NR2C2: variants seen among roughly 807,000 people sequenced by gnomAD.
NR2C2 encodes the protein nuclear receptor subfamily 2 group C member 2.
A neutral mutation model predicts 62.9 loss-of-function variants in NR2C2; 6 were observed. That is an observed-to-expected ratio of 0.10 (90% CI 0.05 to 0.19). NR2C2 has a LOEUF of 0.19. Among genes scored for constraint, NR2C2 ranks in the 10% least tolerant of loss-of-function variants. The pLI, the probability that NR2C2 is intolerant of heterozygous loss-of-function variation, is 1.00. For synonymous variants in NR2C2, 272 were observed against 273.8 expected (o/e 0.99, Z 0.07); for missense variants, 479 against 762.7 (o/e 0.63, Z 4.38).
Position 14,947,836 on chromosome 3 carries a change from C to T in NR2C2, c.-110C>T, listed in dbSNP as rs1365862633. On this transcript the variant is annotated 5_prime_UTR_variant, in exon 1 of 14. Transcript: ENST00000425241. ...GGAGCCCGGGCTCCCCGCGCCCTGC[C>T]CTCCGCGCCGGGGGCCGCCCGCCGC... 2.0e-5 allele frequency: 3 copies of T among 148,946 alleles called. No homozygotes were observed. The highest frequency in any genetic ancestry group is 4.9e-5 in the African/African-American group (2 of 40,834). The allele number at this position is 148,946 out of a possible 1,614,324, so 9.2% of individuals were successfully genotyped here.
chr3:14,967,413 A>G (rs1159898935), intron 1 of NR2C2, among the ~76,000 whole-genome samples: 4 of 152,138 alleles, frequency 2.6e-5, no homozygotes, highest in Non-Finnish European at 5.9e-5. Context: ...TGGCTAGAAT[A>G]TAAAAATCAG....
chr3:14,962,871 A>G (rs113711846), intron 1 of NR2C2, among the ~76,000 whole-genome samples: 3 of 152,296 alleles, frequency 2.0e-5, no homozygotes, highest in African/African-American at 7.2e-5. Context: ...TTCAGCAGTC[A>G]TTGACCATTT....
chr3:15,003,865 C>A lies in NR2C2; in HGVS notation c.-39-11C>A, dbSNP rs2041090936. The A allele has an allele frequency of 4.4e-6, 7 of 1,582,626 alleles. No homozygotes were observed. The highest frequency in any genetic ancestry group is 1.7e-5 in the Admixed American group (1 of 59,940). On this transcript the variant is annotated splice_polypyrimidine_tract_variant and intron_variant, in intron 1 of 13. Transcript: ENST00000425241. ...AACCCCCTTGTGATCCAGCCCACTT[C>A]TCACCCACAGGTAACACGTACACAG...
At chr3:15,031,406 C>T (rs74559331) in intron 9 of NR2C2, among the ~76,000 whole-genome samples, 2,927 of 151,582 alleles carry the variant, frequency 0.019, 95 homozygotes, top group African/African-American at 0.067. Context: ...TAGGCTGAAG[C>T]GTAGTGATGT....
chr3:15,027,643 G>T (rs2041860977), intron 7 of NR2C2, among the ~76,000 whole-genome samples: 1 of 152,016 alleles, frequency 6.6e-6, no homozygotes, highest in Non-Finnish European at 1.5e-5. Flanking sequence ...TGTCTGATAG[G>T]CTGGACTGCA....
At chr3:14,993,879 G>A (rs2040741405) in intron 1 of NR2C2, among the ~76,000 whole-genome samples, 1 of 152,192 alleles carries the variant, frequency 6.6e-6, no homozygotes, top group African/African-American at 2.4e-5. Flanking sequence ...AGGTGAGGAA[G>A]CCAAAATCCA....
intron 1 of NR2C2, among the ~76,000 whole-genome samples, chr3:14,967,809 A>T (rs545009908): frequency 6.6e-6 from 1 of 152,322 alleles, no homozygotes; most frequent in Admixed American, 6.5e-5. Context: ...AATGCAACAG[A>T]ACAGAGCCCT....
In NR2C2 at chr3:15,013,867, C is replaced by T. The variant is rs1043159920; in HGVS notation, c.273+78C>T. ...CCTGACTTGTTCTTACATCTGCCTTCGAGGCCAAATCCATCCCTGGAAGGT... is the reference window on the plus strand; with the variant it reads ...CCTGACTTGTTCTTACATCTGCCTTTGAGGCCAAATCCATCCCTGGAAGGT... On this transcript the variant is annotated intron_variant, in intron 3 of 13. Transcript: ENST00000425241. 6.4e-5 allele frequency: 94 copies of T among 1,468,462 alleles called. No individual in the cohort carries two copies. In the Admixed American group the frequency reaches 1.2e-3, roughly 19 times the overall value. The allele number at this position is 1,468,462 out of a possible 1,614,324, so 91.0% of individuals were successfully genotyped here.
At chr3:14,981,936 G>A (rs1283832554) in intron 1 of NR2C2, among the ~76,000 whole-genome samples, 1 of 152,198 alleles carries the variant, frequency 6.6e-6, no homozygotes, top group Non-Finnish European at 1.5e-5. Context: ...TAGCTGGGCT[G>A]GCAGCTAACT....
intron 1 of NR2C2, among the ~76,000 whole-genome samples, chr3:14,999,567 C>G (rs193113577): frequency 3.2e-4 from 49 of 152,266 alleles, no homozygotes; most frequent in Non-Finnish European, 1.6e-4. Context: ...TTGGTGTCAT[C>G]TAAGAAACAA....
intron 1 of NR2C2, among the ~76,000 whole-genome samples, chr3:14,983,865 C>T (rs2040443090): frequency 6.6e-6 from 1 of 151,902 alleles, no homozygotes; most frequent in East Asian, 1.9e-4. Context: ...TTTAGAACAT[C>T]CTTGTTTTGT....
At chr3:15,034,576 G>A in intron 10 of NR2C2, 94 bp from the exon 11 acceptor site, 1 of 1,347,234 alleles carries the variant, frequency 7.4e-7, no homozygotes, top group Non-Finnish European at 1.0e-6. Context: ...GAATTCACCT[G>A]TTTGGGAAAT....
chr3:14,971,451 C>T (rs980373983), intron 1 of NR2C2, among the ~76,000 whole-genome samples: 2 of 151,682 alleles, frequency 1.3e-5, no homozygotes, highest in Admixed American at 1.3e-4. Context: ...ACATTTTCAA[C>T]TTACAATGGT....
chr3:15,020,201 G>A (rs12489827), intron 4 of NR2C2, among the ~76,000 whole-genome samples: 16,931 of 152,214 alleles, frequency 0.11, 1,198 homozygotes, highest in Admixed American at 0.16. Flanking sequence ...GGCAGTGACA[G>A]TCCCCATGCT....
chr3:14,985,877 G>T (rs1186934317), intron 1 of NR2C2, among the ~76,000 whole-genome samples: 3 of 152,168 alleles, frequency 2.0e-5, no homozygotes, highest in Non-Finnish European at 4.4e-5. Context: ...GAGTATCTCT[G>T]TAGACTAGAA....
chr3:15,047,194 A>C lies in NR2C2; in HGVS notation c.*4186A>C, dbSNP rs2042487475. ...TTCATAAAGTTGCTAATGTAAACTG[A>C]TATGGGTGTTCCAAGGTCCCTCGGC... On this transcript the variant is annotated 3_prime_UTR_variant, in exon 14 of 14. Transcript: ENST00000425241. 6.6e-6 allele frequency: 1 copy of C among 152,614 alleles called. No individual in the cohort carries two copies. Among genetic ancestry groups the C allele is most frequent in the Non-Finnish European group, 1.5e-5 (1 of 68,050 alleles). The allele number at this position is 152,614 out of a possible 1,614,324, so 9.5% of individuals were successfully genotyped here. A position where few individuals can be genotyped will look rare whatever the true frequency, so the allele number is the denominator to read the frequency against.
At chr3:15,016,006 TAGTC>T (rs2041499847) in intron 3 of NR2C2, 142 bp from the exon 4 acceptor site, 1 of 595,266 alleles carries the variant, frequency 1.7e-6, no homozygotes, top group Non-Finnish European at 3.1e-6. Flanking sequence ...TTCACCATGT[TAGTC>T]AGGCTGGTCT....
Position 15,037,859 on chromosome 3 carries a change from G to GA in NR2C2, c.1373-139dup, listed in dbSNP as rs2042147300. 17 of 897,578 alleles carry GA rather than the reference G, an allele frequency of 1.9e-5. No individual in the cohort carries two copies. In the East Asian group the frequency reaches 4.5e-4, roughly 24 times the overall value. The allele number at this position is 897,578 out of a possible 1,614,324, so 55.6% of individuals were successfully genotyped here. ...GTCACTTCATCTGCAGCTGGAAAAT[G>GA]AAGCTCTTGTTCACCTTGAGATTAC... On this transcript the variant is annotated intron_variant, in intron 11 of 13. Coordinates refer to ENST00000425241, the MANE Select transcript of NR2C2 (RefSeq NM_001291694.2).
At chr3:14,952,853 TAG>T (rs1308624690) in intron 1 of NR2C2, among the ~76,000 whole-genome samples, 1 of 152,172 alleles carries the variant, frequency 6.6e-6, no homozygotes, top group East Asian at 1.9e-4. Flanking sequence ...TCCTGAGTGC[TAG>T]AGAGTAAAGC....
Sources: gnomAD v4.1 joint callset for allele counts (sites outside exome capture counted in the v4.1 genomes callset) on GRCh38, gnomAD v4.1.1 for gene constraint, MANE v1.5 for transcripts, NCBI Gene and HGNC (gene_info 2026-07-23, HGNC 2026-07-21) for gene names.